RNF187: variants seen among roughly 807,000 people sequenced by gnomAD.
The protein encoded by RNF187 is ring finger protein 187, also known as E3 ubiquitin-protein ligase RNF187.
RNF187 carries 18 observed loss-of-function variants against 22.2 expected under a neutral mutation model. That is an observed-to-expected ratio of 0.81 (90% confidence interval 0.56 to 1.20). The LOEUF (loss-of-function observed/expected upper bound fraction) is 1.20. Among genes scored for constraint, RNF187 ranks in the 50% most tolerant of loss-of-function variants. The pLI is 0.00. For synonymous variants in RNF187, 164 were observed against 140.9 expected (o/e 1.16, Z -1.16); for missense variants, 329 against 317.6 (o/e 1.04, Z -0.27).
At position 228,493,069 on chromosome 1, in the gene RNF187, G is replaced by A. The variant is rs1239497753; in HGVS notation, c.500G>A (p.Arg167His). The change falls in exon 3 of 4, where the codon CGT becomes CAT. Residue 167 changes from arginine (R) to histidine (H), a missense_variant. Coordinates refer to ENST00000305943, the MANE Select transcript of RNF187 (RefSeq NM_001010858.3). This position sits in a 1 kb window ranked among gnomAD's most constrained non-coding sequence, Gnocchi z 4.7. ...CGTTTGCAGGGACACGTGATGGACC[G>A]TAGGAAGAAGGCACTGACCGACTAC... 1.9e-6 allele frequency: 3 copies of A among 1,549,900 alleles called. No individual in the cohort carries two copies. Among genetic ancestry groups the A allele is most frequent in the South Asian group, 1.2e-5 (1 of 83,916 alleles).
chr1:228,495,991 T>G lies in RNF187; in HGVS notation c.*2106T>G. Reference sequence around the variant, plus strand: ...CTCCCTCTGCACATATGTGGGACAGTCAGATACAGAGGGCCAACTGCGTAC... The same window carrying G: ...CTCCCTCTGCACATATGTGGGACAGGCAGATACAGAGGGCCAACTGCGTAC... On this transcript the variant is annotated 3_prime_UTR_variant, in exon 4 of 4. Transcript: ENST00000305943. Among the ~76,000 whole-genome samples, 1 of 152,270 alleles carries G rather than the reference T, an allele frequency of 6.6e-6. No homozygotes were observed. The highest frequency in any genetic ancestry group is 3.4e-3 in the Middle Eastern group (1 of 294).
In RNF187 at chr1:228,494,103, C is replaced by A; in HGVS notation, c.*218C>A. On this transcript the variant is annotated 3_prime_UTR_variant, in exon 4 of 4. Transcript: ENST00000305943. Reference sequence around the variant, plus strand: ...CCCGGTAGAGGCTGGACCTGAGGACCCTTCCCACCTGTGCCCGTCCCTTCC... The same window carrying A: ...CCCGGTAGAGGCTGGACCTGAGGACACTTCCCACCTGTGCCCGTCCCTTCC... 6.9e-7 allele frequency: 1 copy of A among 1,457,674 alleles called. No homozygotes were observed. The highest frequency in any genetic ancestry group is 9.0e-7 in the Non-Finnish European group (1 of 1,106,556). 90.3% of individuals were successfully genotyped at this position (1,457,674 alleles called of 1,614,324 possible).
Position 228,495,013 on chromosome 1 carries a change from C to T in RNF187, c.*1128C>T. The T allele has an allele frequency of 1.0e-6, 1 of 985,826 alleles. No individual in the cohort carries two copies. Among genetic ancestry groups the T allele is most frequent in the South Asian group, 4.7e-5 (1 of 21,280 alleles). 61.1% of individuals were successfully genotyped at this position (985,826 alleles called of 1,614,324 possible). A position where few individuals can be genotyped will look rare whatever the true frequency, so the allele number is the denominator to read the frequency against. ...CGTGTGTCCACCTGGCCTCTTCCCC[C>T]TGCCCTGGCCACCCTCCAGTGTCAA... is the stretch of plus-strand genomic sequence containing the variant. On this transcript the variant is annotated 3_prime_UTR_variant, in exon 4 of 4. Coordinates refer to ENST00000305943, the MANE Select transcript of RNF187 (RefSeq NM_001010858.3).
chr1:228,487,806 C>A lies in RNF187; in HGVS notation c.318C>A (p.Ala106=). The change falls in exon 1 of 4, where the codon GCC becomes GCA. Residue 106 remains alanine (A), a synonymous_variant. Coordinates refer to ENST00000305943, the MANE Select transcript of RNF187 (RefSeq NM_001010858.3). Reference sequence around the variant, plus strand: ...GCGCCGACGCCGGCCCGCTCTGCGCCGCCTGCCGTATGGCTGCGGGCCCCG... The same window carrying A: ...GCGCCGACGCCGGCCCGCTCTGCGCAGCCTGCCGTATGGCTGCGGGCCCCG... 8.6e-7 allele frequency: 1 copy of A among 1,163,844 alleles called. No homozygotes were observed. The highest frequency in any genetic ancestry group is 1.1e-6 in the Non-Finnish European group (1 of 942,922). 72.1% of individuals were successfully genotyped at this position (1,163,844 alleles called of 1,614,324 possible). A position where few individuals can be genotyped will look rare whatever the true frequency, so the allele number is the denominator to read the frequency against.
intron 2 of RNF187, among the ~76,000 whole-genome samples, chr1:228,491,458 TG>T: frequency 1.3e-5 from 2 of 151,696 alleles, no homozygotes; most frequent in African/African-American, 2.4e-5. Context: ...TTTTTTTTTT[TG>T]AGATGGAGTC....
chr1:228,493,128 G>A lies in RNF187; in HGVS notation c.559G>A (p.Glu187Lys). ...GCGGGCCTTCTTTGTGGAGGAGGAG[G>A]AGCATTTCCTGCAGGAGGCTGAGAA... The change falls in exon 3 of 4, where the codon GAG becomes AAG. Residue 187 changes from glutamate (E) to lysine (K), a missense_variant. Physicochemically the swap from Glu to Lys is moderately conservative, Grantham distance 56 (BLOSUM62 1). Transcript: ENST00000305943. The surrounding 1 kb of genome is among the most constrained non-coding windows in gnomAD (Gnocchi z 4.7). 6.4e-7 allele frequency: 1 copy of A among 1,551,734 alleles called. No homozygotes were observed. Among genetic ancestry groups the A allele is most frequent in the Non-Finnish European group, 8.7e-7 (1 of 1,146,986 alleles).
Position 228,493,772 on chromosome 1 carries a change from G to T in RNF187, c.706-111G>T. 1 of 1,157,288 alleles carries T rather than the reference G, an allele frequency of 8.6e-7. No homozygotes were observed. Among genetic ancestry groups the T allele is most frequent in the Non-Finnish European group, 1.3e-6 (1 of 790,148 alleles). The allele number at this position is 1,157,288 out of a possible 1,614,324, so 71.7% of individuals were successfully genotyped here. On this transcript the variant is annotated intron_variant, in intron 3 of 3. Coordinates refer to ENST00000305943, the MANE Select transcript of RNF187 (RefSeq NM_001010858.3). The surrounding 1 kb of genome is among the most constrained non-coding windows in gnomAD (Gnocchi z 4.7). ...TTGTGCTCAGGACAGTACCTCATGC[G>T]CTGTCTCATGTGCGCTCTCTCTTTC...
Position 228,495,056 on chromosome 1 carries a change from CACGTGCTAAAGCAT to C in RNF187, c.*1172_*1185del. On this transcript the variant is annotated 3_prime_UTR_variant, in exon 4 of 4. Transcript: ENST00000305943. ...AGTGTCAAAGGAAACTTCCTCGTGA[CACGTGCTAAAGCAT>C]GGTGAGGAGGACTTTGATTGGGACC... 1.0e-6 allele frequency: 1 copy of C among 983,204 alleles called. No homozygotes were observed. Among genetic ancestry groups the C allele is most frequent in the Non-Finnish European group, 1.2e-6 (1 of 827,866 alleles). 60.9% of individuals were successfully genotyped at this position (983,204 alleles called of 1,614,324 possible). A position where few individuals can be genotyped will look rare whatever the true frequency, so the allele number is the denominator to read the frequency against.
intron 2 of RNF187, among the ~76,000 whole-genome samples, chr1:228,491,966 TTTA>T: frequency 6.6e-6 from 1 of 152,220 alleles, no homozygotes; most frequent in Non-Finnish European, 1.5e-5. Context: ...ATAAAATCAT[TTTA>T]TTTGATATGG....
In RNF187 at chr1:228,493,955, A is replaced by AGCGTGTGGCTGCCAGGGAAGCGTGGCAG; in HGVS notation, c.*74_*101dup. 1.3e-6 allele frequency: 2 copies of AGCGTGTGGCTGCCAGGGAAGCGTGGCAG among 1,551,538 alleles called. No individual in the cohort carries two copies. The highest frequency in any genetic ancestry group is 2.7e-5 in the African/African-American group (2 of 73,052). ...GATCCTCATCTCCATGGGAAGTGTC[A>AGCGTGTGGCTGCCAGGGAAGCGTGGCAG]GCGTGTGGCTGCCAGGGAAGCGTGG... On this transcript the variant is annotated 3_prime_UTR_variant, in exon 4 of 4. Transcript: ENST00000305943. This position sits in a 1 kb window ranked among gnomAD's most constrained non-coding sequence, Gnocchi z 4.7.
chr1:228,491,025 G>C, intron 2 of RNF187, among the ~76,000 whole-genome samples: 1 of 152,178 alleles, frequency 6.6e-6, no homozygotes. Context: ...CTGCAGTGTA[G>C]GGGAGAAAGA....
In RNF187 at chr1:228,493,008, G is replaced by A; in HGVS notation, c.484-45G>A. 3 of 1,496,782 alleles carry A rather than the reference G, an allele frequency of 2.0e-6. No homozygotes were observed. The highest frequency in any genetic ancestry group is 1.4e-5 in the African/African-American group (1 of 71,686). The allele number at this position is 1,496,782 out of a possible 1,614,324, so 92.7% of individuals were successfully genotyped here. A position where few individuals can be genotyped will look rare whatever the true frequency, so the allele number is the denominator to read the frequency against. ...GCAAACAGGTTCCCCTTCCCCTGGG[G>A]AGGGTGGGTGAGGACACAGGTCTTT... On this transcript the variant is annotated intron_variant, in intron 2 of 3. Coordinates refer to ENST00000305943, the MANE Select transcript of RNF187 (RefSeq NM_001010858.3). The surrounding 1 kb of genome is among the most constrained non-coding windows in gnomAD (Gnocchi z 4.7).
chr1:228,491,730 G>A, intron 2 of RNF187, among the ~76,000 whole-genome samples: 1 of 152,202 alleles, frequency 6.6e-6, no homozygotes, highest in East Asian at 1.9e-4. Context: ...GTGAGCCACC[G>A]TGTCCAGCCA....
In RNF187 at chr1:228,494,117, C is replaced by T; in HGVS notation, c.*232C>T. The T allele has an allele frequency of 5.6e-6, 8 of 1,440,706 alleles. No individual in the cohort carries two copies. Among genetic ancestry groups the T allele is most frequent in the Admixed American group, 2.6e-5 (1 of 39,018 alleles). The allele number at this position is 1,440,706 out of a possible 1,614,324, so 89.2% of individuals were successfully genotyped here. ...GACCTGAGGACCCTTCCCACCTGTGCCCGTCCCTTCCTGAAGTCCTAGCCA... is the reference window on the plus strand; with the variant it reads ...GACCTGAGGACCCTTCCCACCTGTGTCCGTCCCTTCCTGAAGTCCTAGCCA... On this transcript the variant is annotated 3_prime_UTR_variant, in exon 4 of 4. Coordinates refer to ENST00000305943, the MANE Select transcript of RNF187 (RefSeq NM_001010858.3).
chr1:228,490,964 C>T, intron 2 of RNF187, among the ~76,000 whole-genome samples: 6 of 152,182 alleles, frequency 3.9e-5, no homozygotes, highest in East Asian at 1.9e-4. Flanking sequence ...ATTTACTGTC[C>T]CCTTGGCCAT....
Position 228,493,836 on chromosome 1 carries a change from T to G in RNF187, c.706-47T>G. 6.5e-7 allele frequency: 1 copy of G among 1,543,872 alleles called. No individual in the cohort carries two copies. Among genetic ancestry groups the G allele is most frequent in the Non-Finnish European group, 8.8e-7 (1 of 1,139,862 alleles). Reference sequence around the variant, plus strand: ...GCCTCTGTCTCTGACTCTGTGTGTCTCTTTCTCTTTTTGTCTCTCTGTCTT... The same window carrying G: ...GCCTCTGTCTCTGACTCTGTGTGTCGCTTTCTCTTTTTGTCTCTCTGTCTT... On this transcript the variant is annotated intron_variant, in intron 3 of 3. Transcript: ENST00000305943. This position sits in a 1 kb window ranked among gnomAD's most constrained non-coding sequence, Gnocchi z 4.7.
Position 228,495,094 on chromosome 1 carries a change from C to T in RNF187, c.*1209C>T. On this transcript the variant is annotated 3_prime_UTR_variant, in exon 4 of 4. Transcript: ENST00000305943. ...ATGGTGAGGAGGACTTTGATTGGGA[C>T]CATTGAGATGGGTGTGGGACCCTTT... 1 of 923,322 alleles carries T rather than the reference C, an allele frequency of 1.1e-6. No individual in the cohort carries two copies. Among genetic ancestry groups the T allele is most frequent in the Non-Finnish European group, 1.3e-6 (1 of 773,288 alleles). 57.2% of individuals were successfully genotyped at this position (923,322 alleles called of 1,614,324 possible). A position where few individuals can be genotyped will look rare whatever the true frequency, so the allele number is the denominator to read the frequency against.
At position 228,495,789 on chromosome 1, in the gene RNF187, A is replaced by AT; in HGVS notation, c.*1906dup. Reference sequence around the variant, plus strand: ...GTGTGATGTTTTGATATCTATGTACATTGTGGAGTGACAGATTAATGTATC... The same window carrying AT: ...GTGTGATGTTTTGATATCTATGTACATTTGTGGAGTGACAGATTAATGTATC... On this transcript the variant is annotated 3_prime_UTR_variant, in exon 4 of 4. Transcript: ENST00000305943. 2.1e-6 allele frequency: 2 copies of AT among 958,114 alleles called. No individual in the cohort carries two copies. Among genetic ancestry groups the AT allele is most frequent in the Non-Finnish European group, 2.5e-6 (2 of 805,292 alleles). 59.4% of individuals were successfully genotyped at this position (958,114 alleles called of 1,614,324 possible).
chr1:228,492,806 G>T, intron 2 of RNF187, among the ~76,000 whole-genome samples: 340 of 151,772 alleles, frequency 2.2e-3, no homozygotes, highest in Non-Finnish European at 3.9e-3. Context: ...TGTATTTTTA[G>T]TAGAGACGGG....
Sources: allele counts gnomAD v4.1 joint callset (sites outside exome capture counted in the v4.1 genomes callset), GRCh38; gene constraint gnomAD v4.1.1; non-coding constraint Gnocchi (gnomAD v3.1); transcripts MANE v1.5; gene names NCBI Gene and HGNC (gene_info 2026-07-23, HGNC 2026-07-21).